Variants in CDC27 observed in about 807,000 individuals in gnomAD.
The protein encoded by CDC27 is cell division cycle protein 27 homolog.
CDC27 carries 27 observed loss-of-function variants against 109.7 expected under a neutral mutation model. That is an observed-to-expected ratio of 0.25 (90% CI 0.18 to 0.34). The LOEUF is 0.34. Among genes scored for constraint, CDC27 ranks in the 10% least tolerant of loss-of-function variants. The pLI is 1.00. For missense variants in CDC27, 579 were observed against 960.2 expected (o/e 0.60, Z 5.25); for synonymous variants, 266 against 333.9 (o/e 0.80, Z 2.22).
At chr17:47,129,998 C>T (rs1398637596) in intron 15 of CDC27, among the ~76,000 whole-genome samples, 2 of 130,806 alleles carry the variant, frequency 1.5e-5, no homozygotes, top group African/African-American at 5.5e-5. Context: ...ACTGTGTTAA[C>T]ACTCCTGTTT....
At chr17:47,126,802 A>T (rs1021801326) in intron 16 of CDC27, among the ~76,000 whole-genome samples, 52 of 151,756 alleles carry the variant, frequency 3.4e-4, no homozygotes, top group Admixed American at 1.5e-3. Flanking sequence ...TATGAAAAAA[A>T]TTTTTTTTTG....
At position 47,138,819 on chromosome 17, in the gene CDC27, T is replaced by C. The variant is rs1029738985; in HGVS notation, c.1624A>G (p.Thr542Ala). 2 of 1,607,122 alleles carry C rather than the reference T, an allele frequency of 1.2e-6. No individual in the cohort carries two copies. The highest frequency in any genetic ancestry group is 2.7e-5 in the African/African-American group (2 of 74,778). Residue 542 changes from threonine to alanine, a missense_variant, in exon 13 of 19, where the codon ACA becomes GCA. Thr to Ala is a moderately conservative substitution (Grantham distance 58, BLOSUM62 0). Around this residue, in one of 9 missense-constraint regions of CDC27, gnomAD observed 227 missense variants for 363.6 expected, o/e 0.62. Coordinates refer to ENST00000066544, the MANE Select transcript of CDC27 (RefSeq NM_001256.6). ...RVEGMEIYSTTLWHLQKDVAL... is the reference protein window; with the variant it reads ...RVEGMEIYSTALWHLQKDVAL... ...ACATCTTTTTGAAGATGCCAAAGTG[T>C]TGTAGAGTAGATCTCCATGCCTTCA...
intron 9 of CDC27, among the ~76,000 whole-genome samples, chr17:47,145,897 CAA>C (rs879473834): frequency 1.4e-5 from 2 of 141,746 alleles, no homozygotes; most frequent in African/African-American, 2.6e-5. Flanking sequence ...AACTCTGTCT[CAA>C]AAAAAAAAAA....
At chr17:47,188,943 G>C (rs1384748010) in intron 1 of CDC27, 14 of 1,435,062 alleles carry the variant, frequency 9.8e-6, no homozygotes, top group Non-Finnish European at 1.3e-5. Context: ...TCACGCTAAG[G>C]GTGAAGTAAT....
chr17:47,142,013 C>A lies in CDC27; in HGVS notation c.1391G>T (p.Ser464Ile). ...LQKAAAEGLMSLLREMGKGYL... is the reference protein window; with the variant it reads ...LQKAAAEGLMILLREMGKGYL... ...ACCTTTCCCCATTTCACGAAGAAGG[C>A]TCATCAAACCTTCTAGGAGAAAACA... is the stretch of plus-strand genomic sequence containing the variant. Residue 464 changes from serine (S) to isoleucine (I), a missense_variant, in exon 12 of 19, where the codon AGC becomes ATC. Ser to Ile is a moderately radical substitution (Grantham distance 142). This residue lies in a region of CDC27 where 58 missense variants were observed against 116.6 expected (regional missense o/e 0.50). Coordinates refer to ENST00000066544, the MANE Select transcript of CDC27 (RefSeq NM_001256.6). The A allele has an allele frequency of 6.3e-7, 1 of 1,586,122 alleles. No homozygotes were observed. Among genetic ancestry groups the A allele is most frequent in the Non-Finnish European group, 8.6e-7 (1 of 1,168,812 alleles).
intron 2 of CDC27, among the ~76,000 whole-genome samples, chr17:47,176,687 G>A (rs768351953): frequency 2.0e-5 from 3 of 152,178 alleles, no homozygotes; most frequent in Non-Finnish European, 2.9e-5. Context: ...AAATTTGGGA[G>A]GGGAAAAGGA....
chr17:47,127,770 A>ATCTCACTG (rs2062191605), intron 16 of CDC27, among the ~76,000 whole-genome samples: 1 of 150,040 alleles, frequency 6.7e-6, no homozygotes, highest in Admixed American at 6.6e-5. Context: ...TGGCGCGAAA[A>ATCTCACTG]CAGCTCACTG....
At position 47,120,041 on chromosome 17, in the gene CDC27, A is replaced by G. The variant is rs2061949626; in HGVS notation, c.*894T>C. On this transcript the variant is annotated 3_prime_UTR_variant, in exon 19 of 19. Coordinates refer to ENST00000066544, the MANE Select transcript of CDC27 (RefSeq NM_001256.6). Reference sequence around the variant, plus strand: ...TGATTATATTAAGGCTTTCACTATCATGATCTCTTAAAAGTCTCTCCACTT... The same window carrying G: ...TGATTATATTAAGGCTTTCACTATCGTGATCTCTTAAAAGTCTCTCCACTT... 6.6e-6 allele frequency: 1 copy of G among 152,240 alleles called. No individual in the cohort carries two copies. The highest frequency in any genetic ancestry group is 1.5e-5 in the Non-Finnish European group (1 of 68,048). The allele number at this position is 152,240 out of a possible 1,614,324, so 9.4% of individuals were successfully genotyped here.
Position 47,188,716 on chromosome 17 carries a change from A to AG in CDC27, c.27+429_27+430insC, listed in dbSNP as rs1392872025. Reference sequence around the variant, plus strand: ...CCTCCACCCTCTCATACAAGACAAAATAAAAAAAACCTCCGTAAACTTGCC... The same window carrying AG: ...CCTCCACCCTCTCATACAAGACAAAAGTAAAAAAAACCTCCGTAAACTTGCC... On this transcript the variant is annotated intron_variant, in intron 1 of 18. Transcript: ENST00000066544. 17 of 1,003,294 alleles carry AG rather than the reference A, an allele frequency of 1.7e-5. No homozygotes were observed. In the East Asian group the frequency reaches 1.5e-3, roughly 90 times the overall value. The allele number at this position is 1,003,294 out of a possible 1,614,324, so 62.1% of individuals were successfully genotyped here.
chr17:47,157,470 G>A (rs1368252347), intron 5 of CDC27, 86 bp from the exon 6 acceptor site: 1 of 982,892 alleles, frequency 1.0e-6, no homozygotes, highest in Admixed American at 2.5e-5. Context: ...GTGGAAACAG[G>A]AAATAGGCCT....
chr17:47,169,889 TC>T (rs888127943), intron 4 of CDC27, 27 bp downstream of exon 4: 2 of 1,544,288 alleles, frequency 1.3e-6, no homozygotes, highest in African/African-American at 2.8e-5. Flanking sequence ...GAAATGCTTT[TC>T]TGACAGTTTG....
At chr17:47,133,131 AT>A (rs2062442198) in intron 14 of CDC27, among the ~76,000 whole-genome samples, 17 of 118,446 alleles carry the variant, frequency 1.4e-4, no homozygotes, top group East Asian at 2.8e-4. Flanking sequence ...ATATATATAT[AT>A]ATATAATATA....
intron 1 of CDC27, among the ~76,000 whole-genome samples, chr17:47,181,888 T>G (rs2064254963): frequency 6.6e-6 from 1 of 152,196 alleles, no homozygotes; most frequent in Non-Finnish European, 1.5e-5. Context: ...ACCCTTTTCC[T>G]CCATTGGGCA....
chr17:47,177,167 C>T (rs146040423), intron 2 of CDC27, among the ~76,000 whole-genome samples: 3 of 152,234 alleles, frequency 2.0e-5, no homozygotes, highest in African/African-American at 4.8e-5. Context: ...GGCGCAGCAG[C>T]ACATGCCTGT....
rs933945673 is a variant in CDC27 at position 47,137,173 on chromosome 17, T to C, written c.1892A>G (p.Asn631Ser). The C allele has an allele frequency of 3.7e-6, 6 of 1,606,304 alleles. No individual in the cohort carries two copies. Among genetic ancestry groups the C allele is most frequent in the Non-Finnish European group, 4.3e-6 (5 of 1,176,126 alleles). Residue 631 changes from asparagine to serine, a missense_variant, in exon 14 of 19, where the codon AAT becomes AGT. Coordinates refer to ENST00000066544, the MANE Select transcript of CDC27 (RefSeq NM_001256.6). ...TTACCATGCATTATAATGTCTAGGA[T>C]TGACTCTGATAGCATTTCGAAAACA... is the stretch of plus-strand genomic sequence containing the variant. ...LACFRNAIRV[N>S]PRHYNAWYGL...
chr17:47,181,577 G>A lies in CDC27; in HGVS notation c.88C>T (p.Arg30Cys), dbSNP rs373344958. ...AYRDAVFLAE[R>C]LYAEVHSEEA... ...GATTTCAAACCTTCTGCATAAAGGCGTTCTGCGAGGAAAACCGCATCTCGG... is the reference window on the plus strand; with the variant it reads ...GATTTCAAACCTTCTGCATAAAGGCATTCTGCGAGGAAAACCGCATCTCGG... The change falls in exon 2 of 19, where the codon CGC becomes TGC. Residue 30 changes from arginine (R) to cysteine (C), a missense_variant. Transcript: ENST00000066544. 63 of 1,600,420 alleles carry A rather than the reference G, an allele frequency of 3.9e-5. No individual in the cohort carries two copies. The highest frequency in any genetic ancestry group is 5.1e-5 in the Non-Finnish European group (60 of 1,168,730).
At chr17:47,164,772 G>A (rs1399148287) in intron 4 of CDC27, among the ~76,000 whole-genome samples, 1 of 152,112 alleles carries the variant, frequency 6.6e-6, no homozygotes, top group African/African-American at 2.4e-5. Flanking sequence ...AGCTGAGATT[G>A]TGCAACTGTA....
intron 1 of CDC27, among the ~76,000 whole-genome samples, chr17:47,186,950 T>C (rs1259829984): frequency 2.0e-5 from 3 of 152,186 alleles, no homozygotes; most frequent in Admixed American, 2.0e-4. Flanking sequence ...ATCTGTCCTA[T>C]TTTTATTCTC....
intron 4 of CDC27, among the ~76,000 whole-genome samples, chr17:47,160,511 C>T (rs1490557925): frequency 6.6e-6 from 1 of 152,176 alleles, no homozygotes; most frequent in South Asian, 2.1e-4. Context: ...CAGGCGTGAG[C>T]CACAGCACCT....
Sources: gnomAD v4.1 joint callset for allele counts (sites outside exome capture counted in the v4.1 genomes callset) on GRCh38, gnomAD v4.1.1 for gene constraint, gnomAD v4.1.1 regional missense constraint, MANE v1.5 for transcripts, NCBI Gene and HGNC (gene_info 2026-07-23, HGNC 2026-07-21) for gene names.